PTPN23: variants seen among roughly 807,000 people sequenced by gnomAD.
PTPN23 encodes the protein tyrosine-protein phosphatase non-receptor type 23.
A neutral mutation model predicts 156.3 loss-of-function variants in PTPN23; 72 were observed. The ratio of observed to expected loss-of-function variants is 0.46; its 90% CI spans 0.38 to 0.56. PTPN23 has a LOEUF of 0.56. PTPN23 is among the 20% of genes least tolerant of loss of function. PTPN23 has a pLI of 0.00. For synonymous variants in PTPN23, 957 were observed against 899.6 expected, an observed-to-expected ratio of 1.06 and a Z score of -1.14; for missense variants, 1,974 against 2,171.5, an observed-to-expected ratio of 0.91 and a Z score of 1.81.
In PTPN23 at chr3:47,406,536, C is replaced by G; in HGVS notation, c.683C>G (p.Ser228Ter). 6.2e-7 allele frequency: 1 copy of G among 1,614,030 alleles called. No individual in the cohort carries two copies. The highest frequency in any genetic ancestry group is 8.5e-7 in the Non-Finnish European group (1 of 1,180,010). ...GCCTTGGAGAACCCCGACACTGCCT[C>G]ACTGCTGGGCCGGATCCAGAAGGAC... ...CRALENPDTA[S>*]LLGRIQKDWK... is the part of the protein sequence containing the mutation. The change falls in exon 8 of 25, where the codon TCA (serine) becomes TGA (stop). Residue 228 changes from serine (S) to a stop codon, truncating the protein, a stop_gained. Transcript: ENST00000265562. LOFTEE classifies it high-confidence loss of function. The surrounding 1 kb of genome is among the most constrained non-coding windows in gnomAD (Gnocchi z 5.8).
intron 1 of PTPN23, among the ~76,000 whole-genome samples, chr3:47,387,874 T>C (rs1171450914): frequency 6.6e-6 from 1 of 152,254 alleles, no homozygotes; most frequent in Non-Finnish European, 1.5e-5. Flanking sequence ...CTTGGGGTCC[T>C]AGCACTATCA....
Position 47,411,158 on chromosome 3 carries a change from C to A in PTPN23, c.3360C>A (p.Leu1120=), listed in dbSNP as rs1235503834. ...GAGGCGCCGCAGCTGCAGACCTGCTCTCCTCCAGCCCGGAGAGCCAGCATG... is the reference window on the plus strand; with the variant it reads ...GAGGCGCCGCAGCTGCAGACCTGCTATCCTCCAGCCCGGAGAGCCAGCATG... ...LRRGAAAADL[L]SSSPESQHGG... Residue 1120 remains leucine, a synonymous_variant, in exon 20 of 25, where the codon CTC becomes CTA. Coordinates refer to ENST00000265562, the MANE Select transcript of PTPN23 (RefSeq NM_015466.4). The surrounding 1 kb of genome is among the most constrained non-coding windows in gnomAD (Gnocchi z 6.3). The A allele has an allele frequency of 3.1e-6, 5 of 1,601,960 alleles. No homozygotes were observed. Among genetic ancestry groups the A allele is most frequent in the Non-Finnish European group, 4.3e-6 (5 of 1,176,012 alleles).
At chr3:47,381,961 A>G (rs1389023511) in intron 1 of PTPN23, among the ~76,000 whole-genome samples, 1 of 152,054 alleles carries the variant, frequency 6.6e-6, no homozygotes, top group African/African-American at 2.4e-5. Context: ...CATCCGCTGT[A>G]TTGGTAGCAC....
rs116305269 is a variant in PTPN23, at chr3:47,410,148, C to T, written c.2350C>T (p.Pro784Ser). The part of the protein sequence containing the change: ...SPFPSSTGPG[P>S]HYLSGPLPPG... ...CTTCCCCAGCTCCACAGGCCCAGGA[C>T]CCCACTATCTCTCAGGCCCCTTGCC... is the stretch of plus-strand genomic sequence containing the variant. Residue 784 changes from proline (P) to serine (S), a missense_variant, in exon 20 of 25, where the codon CCC (proline) becomes TCC (serine). Pro to Ser is a moderately conservative substitution (Grantham distance 74, BLOSUM62 -1). Coordinates refer to ENST00000265562, the MANE Select transcript of PTPN23 (RefSeq NM_015466.4). The T allele has an allele frequency of 1.8e-3, 2,945 of 1,593,834 alleles. 57 individuals carry two copies. The African/African-American group carries it at 0.036, about 20-fold the overall frequency.
At position 47,413,227 on chromosome 3, in the gene PTPN23, T is replaced by C. The variant is rs763906158; in HGVS notation, c.*42T>C. Reference sequence around the variant, plus strand: ...TGGTCCTTACACTACATCATCATCATCTCATGCCCACCTGCCCACACCCAG... The same window carrying C: ...TGGTCCTTACACTACATCATCATCACCTCATGCCCACCTGCCCACACCCAG... On this transcript the variant is annotated 3_prime_UTR_variant, in exon 25 of 25. Transcript: ENST00000265562. 2 of 1,547,794 alleles carry C rather than the reference T, an allele frequency of 1.3e-6. No homozygotes were observed. The highest frequency in any genetic ancestry group is 2.4e-5 in the South Asian group (2 of 83,938).
At chr3:47,402,276 TTTATTATTA>T in intron 2 of PTPN23, among the ~76,000 whole-genome samples, 1 of 151,850 alleles carries the variant, frequency 6.6e-6, no homozygotes, top group East Asian at 1.9e-4. Context: ...TATCTATTTA[TTTATTATTA>T]TTATTATTAT....
chr3:47,410,478 C>T lies in PTPN23; in HGVS notation c.2680C>T (p.His894Tyr), dbSNP rs967738491. The change falls in exon 20 of 25, where the codon CAC becomes TAC. Residue 894 changes from histidine to tyrosine, a missense_variant. Physicochemically the swap from His to Tyr is moderately conservative, Grantham distance 83. Transcript: ENST00000265562. Reference protein sequence around the residue: ...VDSIQAPIPSHTAPRPNPTPA... With the variant: ...VDSIQAPIPSYTAPRPNPTPA... ...TAGCATCCAGGCGCCCATCCCCAGC[C>T]ACACAGCCCCACGGCCAAACCCCAC... 49 of 1,609,184 alleles carry T rather than the reference C, an allele frequency of 3.0e-5. No homozygotes were observed. In the Middle Eastern group the frequency reaches 8.2e-4, roughly 27 times the overall value.
intron 2 of PTPN23, among the ~76,000 whole-genome samples, chr3:47,403,117 T>G (rs528485983): frequency 6.6e-6 from 1 of 151,750 alleles, no homozygotes; most frequent in Non-Finnish European, 1.5e-5. Flanking sequence ...GTGGCGCGAT[T>G]TCGGCTCACT....
Position 47,412,978 on chromosome 3 carries a change from C to T in PTPN23, c.4704C>T (p.Pro1568=). The change falls in exon 25 of 25, where the codon CCC becomes CCT. Residue 1568 remains proline (P), a synonymous_variant. Transcript: ENST00000265562. ...PKEEPPVPEA[P]SSGPPSSSLE... ...AGGAGCCGCCAGTGCCTGAAGCCCC[C>T]AGCTCGGGGCCCCCCTCCTCCTCCC... is the stretch of plus-strand genomic sequence containing the variant. 1 of 1,610,932 alleles carries T rather than the reference C, an allele frequency of 6.2e-7. No individual in the cohort carries two copies.
At chr3:47,403,263 A>C (rs951825112) in intron 2 of PTPN23, among the ~76,000 whole-genome samples, 1 of 151,812 alleles carries the variant, frequency 6.6e-6, no homozygotes, top group African/African-American at 2.4e-5. Flanking sequence ...CGTGTTAGCC[A>C]GGATGGTCTC....
Position 47,410,438 on chromosome 3 carries a change from C to T in PTPN23, c.2640C>T (p.Ala880=), listed in dbSNP as rs1275502048. The T allele has an allele frequency of 6.2e-7, 1 of 1,611,600 alleles. No individual in the cohort carries two copies. The highest frequency in any genetic ancestry group is 2.2e-5 in the East Asian group (1 of 44,822). ...AGTTGGCCATGGCGGTTCGGCCAGC[C>T]ACCACCACAGTAGATAGCATCCAGG... ...GPELAMAVRP[A]TTTVDSIQAP... Residue 880 remains alanine, a synonymous_variant, in exon 20 of 25, where the codon GCC becomes GCT. Transcript: ENST00000265562.
intron 2 of PTPN23, among the ~76,000 whole-genome samples, chr3:47,399,425 A>G (rs1169595438): frequency 6.6e-6 from 1 of 152,182 alleles, no homozygotes. Context: ...CTGTCTTCTC[A>G]GAACCCTCCT....
intron 14 of PTPN23, 71 bp downstream of exon 14, chr3:47,408,026 G>T (rs1705171365): frequency 7.9e-6 from 12 of 1,519,142 alleles, no homozygotes; most frequent in Non-Finnish European, 1.8e-6. Context: ...CCCCAGGGCT[G>T]CCTATGCTGG....
chr3:47,390,254 A>AAGCCC (rs1704745097), intron 1 of PTPN23, among the ~76,000 whole-genome samples: 1 of 152,026 alleles, frequency 6.6e-6, no homozygotes, highest in African/African-American at 2.4e-5. Flanking sequence ...AACAAAAACC[A>AAGCCC]AGCCCAGATT....
chr3:47,404,372 A>G (rs978788422), intron 2 of PTPN23, among the ~76,000 whole-genome samples: 1 of 150,242 alleles, frequency 6.7e-6, no homozygotes, highest in African/African-American at 2.4e-5. Flanking sequence ...GTTGCAGTGA[A>G]TACTGCATTC....
At chr3:47,404,419 T>TCC (rs1705072024) in intron 2 of PTPN23, among the ~76,000 whole-genome samples, 1 of 151,442 alleles carries the variant, frequency 6.6e-6, no homozygotes, top group Non-Finnish European at 1.5e-5. Context: ...TTTTTTTTTT[T>TCC]TTTTTTAAAA....
rs1446748861 is a variant in PTPN23, at chr3:47,407,837, G to GGT, written c.1118+28_1118+29dup. On this transcript the variant is annotated intron_variant, in intron 13 of 24. Transcript: ENST00000265562. The surrounding 1 kb of genome is among the most constrained non-coding windows in gnomAD (Gnocchi z 4.0). ...GTGGGTGGAGGGTGGCACAGAGGGA[G>GGT]GTGGGGTGTCTTGAGATGTGGGTCT... is the stretch of plus-strand genomic sequence containing the variant. 6.2e-7 allele frequency: 1 copy of GGT among 1,614,086 alleles called. No individual in the cohort carries two copies. The highest frequency in any genetic ancestry group is 1.1e-5 in the South Asian group (1 of 91,078).
chr3:47,406,892 T>C lies in PTPN23; in HGVS notation c.807+142T>C, dbSNP rs1705139160. 1 of 1,239,514 alleles carries C rather than the reference T, an allele frequency of 8.1e-7. No individual in the cohort carries two copies. Among genetic ancestry groups the C allele is most frequent in the Non-Finnish European group, 1.1e-6 (1 of 878,784 alleles). The allele number at this position is 1,239,514 out of a possible 1,614,324, so 76.8% of individuals were successfully genotyped here. A position where few individuals can be genotyped will look rare whatever the true frequency, so the allele number is the denominator to read the frequency against. ...CCTGCTGGAGGCCTGGTGTCTTAAGTGTTGTCCCATCTGTGCAGCCCTCGT... is the reference window on the plus strand; with the variant it reads ...CCTGCTGGAGGCCTGGTGTCTTAAGCGTTGTCCCATCTGTGCAGCCCTCGT... On this transcript the variant is annotated intron_variant, in intron 9 of 24. Transcript: ENST00000265562. This position sits in a 1 kb window ranked among gnomAD's most constrained non-coding sequence, Gnocchi z 5.8.
At position 47,412,724 on chromosome 3, in the gene PTPN23, T is replaced by C. The variant is rs1393742278; in HGVS notation, c.4450T>C (p.Ser1484Pro). The change falls in exon 25 of 25, where the codon TCC becomes CCC. Residue 1484 changes from serine (S) to proline (P), a missense_variant. Ser to Pro is a moderately conservative substitution (Grantham distance 74). This residue lies in a region of PTPN23 where 484 missense variants were observed against 516.0 expected (regional missense o/e 0.94). Coordinates refer to ENST00000265562, the MANE Select transcript of PTPN23 (RefSeq NM_015466.4). ...ISQKNHLPQD[S>P]QDLVLGGDVP... is the part of the protein sequence containing the mutation. ...TTCTCAGAACCACCTTCCTCAGGAC[T>C]CCCAGGACCTGGTCCTCGGTGGGGA... is the stretch of plus-strand genomic sequence containing the variant. The C allele has an allele frequency of 1.9e-6, 3 of 1,598,756 alleles. No individual in the cohort carries two copies. In the African/African-American group the frequency reaches 4.0e-5, roughly 21 times the overall value.
Sources: gnomAD v4.1 joint callset for allele counts (sites outside exome capture counted in the v4.1 genomes callset) on GRCh38, gnomAD v4.1.1 for gene constraint, gnomAD v4.1.1 regional missense constraint, Gnocchi (gnomAD v3.1) non-coding constraint, MANE v1.5 for transcripts, NCBI Gene and HGNC (gene_info 2026-07-23, HGNC 2026-07-21) for gene names.